CTNNA2: variants seen among roughly 807,000 people sequenced by gnomAD.
The protein encoded by CTNNA2 is catenin alpha 2, also known as catenin alpha-2.
Under a neutral mutation model 101.0 loss-of-function variants are expected in CTNNA2, and 42 were observed. The observed-to-expected ratio is 0.42, with a 90% CI of 0.32 to 0.54. The LOEUF (loss-of-function observed/expected upper bound fraction) is 0.54. Ranked by LOEUF, CTNNA2 falls within the 20% of genes least tolerant of loss-of-function variation. The pLI is 0.14. For missense variants in CTNNA2, 871 were observed against 1,223.1 expected, an observed-to-expected ratio of 0.71 and a Z score of 4.29; for synonymous variants, 450 against 456.4, an observed-to-expected ratio of 0.99 and a Z score of 0.18.
chr2:80,530,877 A>T (rs1159337711), intron 9 of CTNNA2, among the ~76,000 whole-genome samples: 1 of 152,190 alleles, frequency 6.6e-6, no homozygotes, highest in Non-Finnish European at 1.5e-5. Context: ...CACCCAAAGA[A>T]GCTTGAACTT....
chr2:80,092,464 T>C (rs1457278072), intron 7 of CTNNA2, among the ~76,000 whole-genome samples: 2 of 152,140 alleles, frequency 1.3e-5, no homozygotes, highest in Non-Finnish European at 2.9e-5. Flanking sequence ...GAGAATGCGG[T>C]TTAAGAATCT....
chr2:79,700,396 G>A (rs892736606), intron 2 of CTNNA2, among the ~76,000 whole-genome samples: 3 of 152,044 alleles, frequency 2.0e-5, no homozygotes, highest in African/African-American at 7.2e-5. Flanking sequence ...AGACAGATGG[G>A]ACACGTAGAA....
intron 4 of CTNNA2, among the ~76,000 whole-genome samples, chr2:79,471,695 G>T (rs533454783): frequency 5.9e-5 from 9 of 152,124 alleles, no homozygotes; most frequent in African/African-American, 2.2e-4. Flanking sequence ...AAAATTAGCT[G>T]GGCATGGTGG....
intron 18 of CTNNA2, among the ~76,000 whole-genome samples, chr2:80,623,817 A>G (rs1413564154): frequency 6.6e-6 from 1 of 151,958 alleles, no homozygotes; most frequent in Non-Finnish European, 1.5e-5. Context: ...AGGCAACAGA[A>G]CTGACTCATT....
At chr2:80,575,761 T>C (rs1694986913) in intron 13 of CTNNA2, among the ~76,000 whole-genome samples, 1 of 151,960 alleles carries the variant, frequency 6.6e-6, no homozygotes, top group Admixed American at 6.6e-5. Context: ...CACTTACTAA[T>C]TCATGAGCTG....
intron 9 of CTNNA2, among the ~76,000 whole-genome samples, chr2:80,511,709 T>G (rs1004795314): frequency 6.6e-6 from 1 of 152,220 alleles, no homozygotes; most frequent in Non-Finnish European, 1.5e-5. Context: ...ACTGTAATAC[T>G]ACTAAAAATT....
chr2:79,369,642 C>T (rs914738583), intron 3 of CTNNA2, among the ~76,000 whole-genome samples: 2 of 152,144 alleles, frequency 1.3e-5, no homozygotes, highest in African/African-American at 4.8e-5. Context: ...ACATAAATAT[C>T]GCACACTCCT....
intron 3 of CTNNA2, among the ~76,000 whole-genome samples, chr2:79,342,435 A>G (rs1677158967): frequency 6.6e-6 from 1 of 152,204 alleles, no homozygotes; most frequent in East Asian, 1.9e-4. Flanking sequence ...TGAATTACAC[A>G]TTCTTCATAT....
At chr2:80,564,000 T>C (rs1693836377) in intron 12 of CTNNA2, among the ~76,000 whole-genome samples, 1 of 152,188 alleles carries the variant, frequency 6.6e-6, no homozygotes, top group African/African-American at 2.4e-5. Flanking sequence ...TGAGTCTACC[T>C]CTCCATTACC....
intron 2 of CTNNA2, among the ~76,000 whole-genome samples, chr2:79,652,238 AT>A (rs201106493): frequency 0.27 from 38,856 of 144,058 alleles, 5,986 homozygotes; most frequent in African/African-American, 0.44. Context: ...CTGGGATGTG[AT>A]TTTTTTTTTT....
intron 2 of CTNNA2, among the ~76,000 whole-genome samples, chr2:79,733,309 C>G (rs1687316907): frequency 6.6e-6 from 1 of 152,096 alleles, no homozygotes; most frequent in Non-Finnish European, 1.5e-5. Context: ...TTTAACTTCT[C>G]AGCTCTGATG....
At chr2:80,011,455 C>T (rs1693774901) in intron 7 of CTNNA2, among the ~76,000 whole-genome samples, 1 of 152,126 alleles carries the variant, frequency 6.6e-6, no homozygotes, top group Non-Finnish European at 1.5e-5. Flanking sequence ...CCCGAGTCAC[C>T]ACCTCAGAAA....
Position 79,428,163 on chromosome 2 carries a change from AT to A in CTNNA2, c.-135+54160del, listed in dbSNP as rs558079632. Reference sequence around the variant, plus strand: ...CATTTCATTTTAAGTCAGTCTCTTCATTTTTTTTTTAATGCAGAACAGTTTA... The same window carrying A: ...CATTTCATTTTAAGTCAGTCTCTTCATTTTTTTTTAATGCAGAACAGTTTA... On this transcript the variant is annotated intron_variant, in intron 4 of 21. Coordinates refer to the CTNNA2 transcript ENST00000466387. Among the ~76,000 whole-genome samples, 48 of 145,190 alleles carry A rather than the reference AT, an allele frequency of 3.3e-4. 1 individual carries two copies. The East Asian group carries it at 6.5e-3, about 20-fold the overall frequency.
chr2:79,755,313 A>G (rs978547517), intron 3 of CTNNA2, among the ~76,000 whole-genome samples: 1 of 152,218 alleles, frequency 6.6e-6, no homozygotes, highest in Non-Finnish European at 1.5e-5. Flanking sequence ...CCTAAGTGAC[A>G]AAGCAAGAGC....
chr2:80,301,494 TA>T (rs1676302161), intron 7 of CTNNA2, among the ~76,000 whole-genome samples: 1 of 152,226 alleles, frequency 6.6e-6, no homozygotes, highest in Non-Finnish European at 1.5e-5. Flanking sequence ...TTCGTGTTCC[TA>T]GGAGAAACTG....
Position 79,630,890 on chromosome 2 carries a change from T to C in CTNNA2, c.-5-20662T>C, listed in dbSNP as rs1679645850. On this transcript the variant is annotated intron_variant, in intron 1 of 18. Transcript: ENST00000402739. ...AGTTTGTGCTCTAAACTGAGAATAA[T>C]GTACATTTTATTGTATGCATACATA... Among the ~76,000 whole-genome samples, 3 of 152,322 alleles carry C rather than the reference T, an allele frequency of 2.0e-5. No individual in the cohort carries two copies. In the South Asian group the frequency reaches 6.2e-4, roughly 32 times the overall value.
intron 3 of CTNNA2, among the ~76,000 whole-genome samples, chr2:79,819,218 A>G (rs1318607367): frequency 6.6e-6 from 1 of 151,968 alleles, no homozygotes; most frequent in Admixed American, 6.6e-5. Context: ...ACCTCAGGTG[A>G]TCCGCCTGCC....
At chr2:79,262,580 G>A (rs367772958) in intron 2 of CTNNA2, among the ~76,000 whole-genome samples, 9 of 151,824 alleles carry the variant, frequency 5.9e-5, no homozygotes, top group East Asian at 3.9e-4. Context: ...CTAATTCAGC[G>A]GCTCCCAAAG....
At chr2:79,986,129 C>T (rs188663388) in intron 7 of CTNNA2, among the ~76,000 whole-genome samples, 83 of 152,294 alleles carry the variant, frequency 5.4e-4, no homozygotes, top group Non-Finnish European at 9.4e-4. Flanking sequence ...TAATTTACCA[C>T]GGGAGATGTT....
Sources: allele counts gnomAD v4.1 joint callset (sites outside exome capture counted in the v4.1 genomes callset), GRCh38; gene constraint gnomAD v4.1.1; transcripts MANE v1.5; gene names NCBI Gene and HGNC (gene_info 2026-07-23, HGNC 2026-07-21).